C19orf12: variants seen among roughly 807,000 people sequenced by gnomAD.
The protein encoded by C19orf12 is protein C19orf12.
C19orf12 carries 2 observed loss-of-function variants against 3.8 expected under a neutral mutation model. That is an observed-to-expected ratio of 0.53 (90% CI 0.22 to 1.66). The LOEUF (loss-of-function observed/expected upper bound fraction) is 1.66, where lower values mean the gene tolerates loss of function less well. Ranked by LOEUF, C19orf12 falls within the 40% of genes most tolerant of loss-of-function variation. C19orf12 has a pLI of 0.20. For synonymous variants in C19orf12, 89 were observed against 84.6 expected, an observed-to-expected ratio of 1.05 and a Z score of -0.28; for missense variants, 156 against 188.8, an observed-to-expected ratio of 0.83 and a Z score of 1.02.
At position 29,702,834 on chromosome 19, in the gene C19orf12, T is replaced by A; in HGVS notation, c.304A>T (p.Thr102Ser). ...AAAIIRHLEW[T>S]DAVQLTALVM... ...AGCGCGGTCAGCTGCACGGCGTCCG[T>A]CCACTCCAGGTGCCTGATGATGGCT... The change falls in exon 3 of 3, where the codon ACG (threonine) becomes TCG (serine). Residue 102 changes from threonine (T) to serine (S), a missense_variant. Transcript: ENST00000323670. 28 of 1,614,068 alleles carry A rather than the reference T, an allele frequency of 1.7e-5. No homozygotes were observed. Among genetic ancestry groups the A allele is most frequent in the Non-Finnish European group, 2.4e-5 (28 of 1,179,964 alleles).
chr19:29,708,823 C>T (rs948102307), intron 1 of C19orf12, among the ~76,000 whole-genome samples: 4 of 152,198 alleles, frequency 2.6e-5, no homozygotes, highest in Non-Finnish European at 5.9e-5. Context: ...CGGGAAGTCC[C>T]GGCGTGAGGC....
chr19:29,715,395 T>G (rs1484720603), upstream of C19orf12: 1 of 410,618 alleles, frequency 2.4e-6, no homozygotes. Context: ...CCCTCCCCGG[T>G]CCTGGCCCAC....
upstream of C19orf12, chr19:29,715,391 C>T: frequency 2.5e-6 from 1 of 400,034 alleles, no homozygotes; most frequent in Non-Finnish European, 5.0e-6. Context: ...CACCCCCTCC[C>T]CGGTCCTGGC....
intron 1 of C19orf12, among the ~76,000 whole-genome samples, chr19:29,713,084 C>T (rs1424877579): frequency 1.3e-5 from 2 of 152,222 alleles, no homozygotes; most frequent in African/African-American, 4.8e-5. Context: ...ACTCCATCTC[C>T]TGAGCCCTTG....
intron 1 of C19orf12, 117 bp downstream of exon 1, chr19:29,715,008 G>A: frequency 1.4e-6 from 1 of 709,422 alleles, no homozygotes; most frequent in Non-Finnish European, 2.6e-6. Context: ...TCCCGGCAGG[G>A]CGGGGACCCT....
chr19:29,701,578 CT>C lies in C19orf12; in HGVS notation c.*1133del. The C allele has an allele frequency of 2.2e-6, 1 of 454,076 alleles. No individual in the cohort carries two copies. The highest frequency in any genetic ancestry group is 4.4e-6 in the Non-Finnish European group (1 of 226,804). The allele number at this position is 454,076 out of a possible 1,614,324, so 28.1% of individuals were successfully genotyped here. A position where few individuals can be genotyped will look rare whatever the true frequency, so the allele number is the denominator to read the frequency against. On this transcript the variant is annotated 3_prime_UTR_variant, in exon 3 of 3. Transcript: ENST00000323670. ...GGAGACCACAGTTACGGAGAGCTGACTGTACTGGGGAAATCTTTAGGGTAGA... is the reference window on the plus strand; with the variant it reads ...GGAGACCACAGTTACGGAGAGCTGACGTACTGGGGAAATCTTTAGGGTAGA...
chr19:29,708,203 C>G (rs554902534), intron 2 of C19orf12, 51 bp downstream of exon 2: 1 of 1,602,172 alleles, frequency 6.2e-7, no homozygotes, highest in Middle Eastern at 2.1e-4. Context: ...TTCAACGGCC[C>G]TTTTATGACA....
chr19:29,711,480 A>T (rs1197695409), intron 1 of C19orf12, among the ~76,000 whole-genome samples: 1 of 152,206 alleles, frequency 6.6e-6, no homozygotes, highest in Admixed American at 6.5e-5. Context: ...CCAGCTTTTC[A>T]TCTGTCAATT....
At chr19:29,712,605 G>C (rs545683179) in intron 1 of C19orf12, among the ~76,000 whole-genome samples, 5 of 152,262 alleles carry the variant, frequency 3.3e-5, no homozygotes, top group Admixed American at 3.3e-4. Context: ...ACTAGAAACA[G>C]TGGGGCGGGG....
chr19:29,711,038 T>G (rs1445270514), intron 1 of C19orf12, among the ~76,000 whole-genome samples: 1 of 135,126 alleles, frequency 7.4e-6, no homozygotes. Context: ...ACAGAGAGGT[T>G]TTTTTTTTTT....
rs2097983022 is a variant in C19orf12, at chr19:29,699,903, T to A, written c.*2809A>T. Reference sequence around the variant, plus strand: ...ACAGGAGCTGAGAAGCAGCGCTTGATTTCCTGGGGGAAATCAAGAAAAGTG... The same window carrying A: ...ACAGGAGCTGAGAAGCAGCGCTTGAATTCCTGGGGGAAATCAAGAAAAGTG... On this transcript the variant is annotated 3_prime_UTR_variant, in exon 3 of 3. Transcript: ENST00000323670. The A allele has an allele frequency of 2.3e-6, 1 of 435,584 alleles. No individual in the cohort carries two copies. The highest frequency in any genetic ancestry group is 1.6e-5 in the South Asian group (1 of 64,058). The allele number at this position is 435,584 out of a possible 1,614,324, so 27.0% of individuals were successfully genotyped here. A position where few individuals can be genotyped will look rare whatever the true frequency, so the allele number is the denominator to read the frequency against.
Position 29,702,573 on chromosome 19 carries a change from A to G in C19orf12, c.*139T>C. On this transcript the variant is annotated 3_prime_UTR_variant, in exon 3 of 3. Transcript: ENST00000323670. ...GACACTGCACAGCGGTGGCCTCTCC[A>G]GCGGGACATTACTAGTAATACACTG... The G allele has an allele frequency of 8.5e-7, 1 of 1,179,096 alleles. No homozygotes were observed. Among genetic ancestry groups the G allele is most frequent in the Non-Finnish European group, 1.3e-6 (1 of 791,570 alleles). The allele number at this position is 1,179,096 out of a possible 1,614,324, so 73.0% of individuals were successfully genotyped here. A position where few individuals can be genotyped will look rare whatever the true frequency, so the allele number is the denominator to read the frequency against.
rs751544888 is a variant in C19orf12 at position 29,699,352 on chromosome 19, G to T, written c.*3360C>A. 3.3e-5 allele frequency: 12 copies of T among 366,072 alleles called. No homozygotes were observed. The highest frequency in any genetic ancestry group is 5.8e-5 in the Non-Finnish European group (11 of 191,006). 22.7% of individuals were successfully genotyped at this position (366,072 alleles called of 1,614,324 possible). A position where few individuals can be genotyped will look rare whatever the true frequency, so the allele number is the denominator to read the frequency against. On this transcript the variant is annotated 3_prime_UTR_variant, in exon 3 of 3. Transcript: ENST00000323670. ...ATAAAAATTAGCCGGGCATGGTGGC[G>T]GGCGACTGTAGTCAAAGCTACTCGG... is the stretch of plus-strand genomic sequence containing the variant.
In C19orf12 at chr19:29,700,842, C is replaced by G. The variant is rs1188670767; in HGVS notation, c.*1870G>C. ...AGCTTTCCTATAAGCAGGGCCTCAG[C>G]AGAAGTGCCTCCCTCCGAGCCTCCA... is the stretch of plus-strand genomic sequence containing the variant. On this transcript the variant is annotated 3_prime_UTR_variant, in exon 3 of 3. Transcript: ENST00000323670. The G allele has an allele frequency of 8.8e-6, 4 of 454,010 alleles. No homozygotes were observed. Among genetic ancestry groups the G allele is most frequent in the Admixed American group, 7.0e-5 (3 of 42,562 alleles). 28.1% of individuals were successfully genotyped at this position (454,010 alleles called of 1,614,324 possible). A position where few individuals can be genotyped will look rare whatever the true frequency, so the allele number is the denominator to read the frequency against.
upstream of C19orf12, chr19:29,715,624 C>T (rs1341233372): frequency 4.9e-6 from 1 of 204,778 alleles, no homozygotes; most frequent in East Asian, 1.9e-4. Context: ...GAGGACCCCT[C>T]TCTCCCCGCA....
intron 2 of C19orf12, among the ~76,000 whole-genome samples, chr19:29,704,195 C>T (rs549972527): frequency 1.3e-5 from 2 of 152,230 alleles, no homozygotes; most frequent in South Asian, 2.1e-4. Flanking sequence ...ACTGGCCGGG[C>T]GCAGTGGCTC....
chr19:29,701,535 C>T lies in C19orf12; in HGVS notation c.*1177G>A, dbSNP rs1169343368. The T allele has an allele frequency of 2.2e-6, 1 of 453,954 alleles. No homozygotes were observed. The highest frequency in any genetic ancestry group is 4.4e-6 in the Non-Finnish European group (1 of 226,808). 28.1% of individuals were successfully genotyped at this position (453,954 alleles called of 1,614,324 possible). On this transcript the variant is annotated 3_prime_UTR_variant, in exon 3 of 3. Transcript: ENST00000323670. ...TTTTTCAAATATTTCCTATCCAAGG[C>T]TGGTTGGATCTAAATGTGGAGACCA... is the stretch of plus-strand genomic sequence containing the variant.
chr19:29,703,378 C>CTTTTT lies in C19orf12; in HGVS notation c.161-406_161-402dup, dbSNP rs1165470646. ...AACAAATGCATTTTCTTTTTCTTTTCTTTTTTTTTTTTTTTTTTTTGAGAC... is the reference window on the plus strand; with the variant it reads ...AACAAATGCATTTTCTTTTTCTTTTCTTTTTTTTTTTTTTTTTTTTTTTTTGAGAC... On this transcript the variant is annotated intron_variant, in intron 2 of 2. Coordinates refer to ENST00000323670, the MANE Select transcript of C19orf12 (RefSeq NM_031448.6). 7.9e-3 allele frequency among the ~76,000 whole-genome samples: 1,015 copies of CTTTTT among 128,114 alleles called. 3 individuals are homozygous for CTTTTT. The highest frequency in any genetic ancestry group is 0.012 in the African/African-American group (425 of 35,462). The allele number at this position is 128,114 out of a possible 152,430, so 84.0% of individuals were successfully genotyped here.
At chr19:29,712,509 C>G (rs1003821265) in intron 1 of C19orf12, among the ~76,000 whole-genome samples, 3 of 152,144 alleles carry the variant, frequency 2.0e-5, no homozygotes, top group African/African-American at 4.8e-5. Context: ...TTCTTCCCCC[C>G]CACCACCCAA....
Sources: allele counts gnomAD v4.1 joint callset (sites outside exome capture counted in the v4.1 genomes callset), GRCh38; gene constraint gnomAD v4.1.1; transcripts MANE v1.5; gene names NCBI Gene and HGNC (gene_info 2026-07-23, HGNC 2026-07-21).